FSTL4: variants seen among roughly 807,000 people sequenced by gnomAD.
The protein encoded by FSTL4 is follistatin like 4, also known as follistatin-related protein 4.
Under a neutral mutation model 78.2 loss-of-function variants are expected in FSTL4, and 28 were observed. The ratio of observed to expected loss-of-function variants is 0.36; its 90% CI spans 0.27 to 0.49. The LOEUF (loss-of-function observed/expected upper bound fraction) is 0.49. Ranked by LOEUF, FSTL4 falls within the 20% of genes least tolerant of loss-of-function variation. The probability of loss-of-function intolerance (pLI) is 0.98; values close to 1 mark genes in which losing one functional copy is unlikely to be tolerated. For missense variants in FSTL4, 922 were observed against 1,084.9 expected, an observed-to-expected ratio of 0.85 and a Z score of 2.11; for synonymous variants, 422 against 440.5, an observed-to-expected ratio of 0.96 and a Z score of 0.53.
intron 8 of FSTL4, among the ~76,000 whole-genome samples, chr5:133,227,121 C>T (rs1344153415): frequency 1.3e-5 from 2 of 152,214 alleles, no homozygotes; most frequent in East Asian, 3.8e-4. Flanking sequence ...ATCCCATCCT[C>T]CAATGGTCCA....
chr5:133,486,244 AGAG>A (rs1020917622), intron 3 of FSTL4, among the ~76,000 whole-genome samples: 1 of 152,104 alleles, frequency 6.6e-6, no homozygotes, highest in Admixed American at 6.5e-5. Context: ...AGAGACGTAA[AGAG>A]GAGGACAGGG....
At chr5:133,318,824 C>T (rs566912043) in intron 4 of FSTL4, among the ~76,000 whole-genome samples, 39 of 152,330 alleles carry the variant, frequency 2.6e-4, no homozygotes, top group Middle Eastern at 6.8e-3. Context: ...CTTGGTGGGG[C>T]GTAAACCACT....
At chr5:133,661,394 C>G in the FSTL4 span, among the ~76,000 whole-genome samples, 25 of 152,344 alleles carry the variant, frequency 1.6e-4, no homozygotes, top group South Asian at 1.9e-3. Context: ...AAGAGCTTCA[C>G]TCGGTGGCGG....
intron 3 of FSTL4, among the ~76,000 whole-genome samples, chr5:133,533,066 T>C (rs1759288112): frequency 1.3e-5 from 2 of 152,334 alleles, no homozygotes; most frequent in East Asian, 3.9e-4. Flanking sequence ...TACGAGTTTA[T>C]GCAAGAAACA....
Position 133,534,746 on chromosome 5 carries a change from C to T in FSTL4, c.160+32440G>A, listed in dbSNP as rs142385978. ...CATCCCTTCTTTTCTCCCCCAGTTC[C>T]CTCACACGCCCAGCTGTCCCCAGCA... is the stretch of plus-strand genomic sequence containing the variant. On this transcript the variant is annotated intron_variant, in intron 3 of 15. Transcript: ENST00000265342. Among the ~76,000 whole-genome samples the T allele has an allele frequency of 3.5e-4, 54 of 152,230 alleles. No individual in the cohort carries two copies. The East Asian group carries it at 0.01, about 29-fold the overall frequency.
the FSTL4 span, among the ~76,000 whole-genome samples, chr5:133,654,319 T>C: frequency 2.0e-5 from 3 of 152,308 alleles, no homozygotes; most frequent in South Asian, 4.2e-4. Context: ...GGAAGCACAG[T>C]TGTTTTGCTC....
At chr5:133,419,815 G>A (rs555822734) in intron 3 of FSTL4, among the ~76,000 whole-genome samples, 39 of 152,300 alleles carry the variant, frequency 2.6e-4, no homozygotes, top group Non-Finnish European at 4.7e-4. Context: ...TACTAAATGC[G>A]TAGTGGTATA....
At chr5:133,459,809 T>G (rs904234624) in intron 3 of FSTL4, among the ~76,000 whole-genome samples, 3 of 152,284 alleles carry the variant, frequency 2.0e-5, no homozygotes, top group African/African-American at 7.2e-5. Flanking sequence ...TTTGATGAAC[T>G]CTGGCTTATC....
At chr5:133,564,150 A>G (rs1160783450) in intron 3 of FSTL4, among the ~76,000 whole-genome samples, 1 of 151,994 alleles carries the variant, frequency 6.6e-6, no homozygotes, top group Admixed American at 6.6e-5. Context: ...TCTGTGTCCA[A>G]TTCTCCCTTT....
intron 7 of FSTL4, among the ~76,000 whole-genome samples, chr5:133,239,019 G>A (rs971641906): frequency 6.6e-6 from 1 of 152,226 alleles, no homozygotes; most frequent in Non-Finnish European, 1.5e-5. Flanking sequence ...GGGGCTGTGC[G>A]AGGGGCTTGT....
the FSTL4 span, among the ~76,000 whole-genome samples, chr5:133,639,389 G>A: frequency 2.6e-5 from 4 of 152,160 alleles, no homozygotes; most frequent in African/African-American, 9.7e-5. Flanking sequence ...GGGGGTCTGT[G>A]GACAGCCATC....
In FSTL4 at chr5:133,590,939, G is replaced by A. The variant is rs185464440; in HGVS notation, c.126+12919C>T. 4.9e-4 allele frequency among the ~76,000 whole-genome samples: 75 copies of A among 152,222 alleles called. 1 individual carries two copies. In the East Asian group the frequency reaches 8.5e-3, roughly 17 times the overall value. On this transcript the variant is annotated intron_variant, in intron 2 of 15. Coordinates refer to ENST00000265342, the MANE Select transcript of FSTL4 (RefSeq NM_015082.2). ...CCCAGTCTCAAGCCCTTCTGTAATC[G>A]GCATTCCTGAGGATGGAGCATGGAG...
the FSTL4 span, among the ~76,000 whole-genome samples, chr5:133,656,693 G>A: frequency 6.6e-6 from 1 of 152,204 alleles, no homozygotes; most frequent in East Asian, 1.9e-4. Context: ...TAGAGGCCCA[G>A]CCAAGTAAGG....
intron 4 of FSTL4, among the ~76,000 whole-genome samples, chr5:133,392,561 G>C (rs1187999965): frequency 6.6e-6 from 1 of 152,206 alleles, no homozygotes; most frequent in Non-Finnish European, 1.5e-5. Context: ...GCTAGGTGCA[G>C]ACCCTAGAGG....
intron 3 of FSTL4, among the ~76,000 whole-genome samples, chr5:133,519,794 C>T (rs886523121): frequency 4.6e-5 from 7 of 152,298 alleles, no homozygotes; most frequent in African/African-American, 1.2e-4. Context: ...ATCTTCTAAT[C>T]GGAGAGCAAG....
chr5:133,504,339 G>A (rs967501811), intron 3 of FSTL4, among the ~76,000 whole-genome samples: 2 of 152,124 alleles, frequency 1.3e-5, no homozygotes, highest in African/African-American at 2.4e-5. Flanking sequence ...TGATCAAAAC[G>A]CTCCTCAAAC....
chr5:133,371,861 G>A (rs892019089), intron 4 of FSTL4, among the ~76,000 whole-genome samples: 4 of 152,194 alleles, frequency 2.6e-5, no homozygotes, highest in Non-Finnish European at 5.9e-5. Flanking sequence ...AAATTCCTCC[G>A]CCTCTTCCCC....
the FSTL4 span, among the ~76,000 whole-genome samples, chr5:133,686,875 C>T: frequency 1.6e-4 from 25 of 152,168 alleles, no homozygotes; most frequent in Admixed American, 1.6e-3. Flanking sequence ...ACACATTTTG[C>T]AATGGAAGTA....
At chr5:133,416,857 C>T (rs1756588638) in intron 3 of FSTL4, among the ~76,000 whole-genome samples, 1 of 152,170 alleles carries the variant, frequency 6.6e-6, no homozygotes, top group Non-Finnish European at 1.5e-5. Flanking sequence ...CAGCTAAGTG[C>T]AATGAGTGCT....
Sources: allele counts gnomAD v4.1 joint callset (sites outside exome capture counted in the v4.1 genomes callset), GRCh38; gene constraint gnomAD v4.1.1; transcripts MANE v1.5; gene names NCBI Gene and HGNC (gene_info 2026-07-23, HGNC 2026-07-21).